BMPER: variants seen among roughly 807,000 people sequenced by gnomAD.
The protein encoded by BMPER is BMP binding endothelial regulator.
BMPER carries 45 observed loss-of-function variants against 87.3 expected under a neutral mutation model. The ratio of observed to expected loss-of-function variants is 0.52; its 90% CI spans 0.41 to 0.66. BMPER has a LOEUF of 0.66. Ranked by LOEUF, BMPER falls within the 30% of genes least tolerant of loss-of-function variation. The probability of loss-of-function intolerance (pLI) is 0.00; values close to 1 mark genes in which losing one functional copy is unlikely to be tolerated. For synonymous variants in BMPER, 326 were observed against 316.2 expected (o/e 1.03, Z -0.33); for missense variants, 784 against 867.5 (o/e 0.90, Z 1.21).
intron 13 of BMPER, among the ~76,000 whole-genome samples, chr7:34,119,119 G>T (rs1040831062): frequency 6.6e-6 from 1 of 151,916 alleles, no homozygotes; most frequent in Non-Finnish European, 1.5e-5. Flanking sequence ...GAATAATGCA[G>T]TAAGTTCAGG....
In BMPER at chr7:33,923,553, A is replaced by G. The variant is rs548152397; in HGVS notation, c.220-13736A>G. Among the ~76,000 whole-genome samples, 54 of 152,348 alleles carry G rather than the reference A, an allele frequency of 3.5e-4. 1 individual carries two copies. In the South Asian group the frequency reaches 0.011, roughly 32 times the overall value. Reference sequence around the variant, plus strand: ...AGGAGTGGCCAGCAGTAGTCTAGGCAGCCTCTCCTGTGAGCCTCAAATAGT... The same window carrying G: ...AGGAGTGGCCAGCAGTAGTCTAGGCGGCCTCTCCTGTGAGCCTCAAATAGT... On this transcript the variant is annotated intron_variant, in intron 2 of 14. Coordinates refer to ENST00000649409, the MANE Select transcript of BMPER (RefSeq NM_001365308.1).
At chr7:33,918,376 C>T (rs73693049) in intron 2 of BMPER, among the ~76,000 whole-genome samples, 3,152 of 152,292 alleles carry the variant, frequency 0.021, 111 homozygotes, top group African/African-American at 0.072. Context: ...CCCCTTTGCT[C>T]AGAGGGCAGA....
At chr7:34,002,711 T>G (rs993010282) in intron 6 of BMPER, among the ~76,000 whole-genome samples, 1 of 151,868 alleles carries the variant, frequency 6.6e-6, no homozygotes, top group Admixed American at 6.6e-5. Context: ...AGTGCATATA[T>G]GTTTATAATT....
intron 13 of BMPER, among the ~76,000 whole-genome samples, chr7:34,094,975 G>A (rs1040390574): frequency 5.3e-5 from 8 of 152,134 alleles, no homozygotes; most frequent in South Asian, 2.1e-4. Context: ...GACTCGTTCG[G>A]AATAACTTCT....
intron 3 of BMPER, among the ~76,000 whole-genome samples, chr7:33,951,079 T>C (rs1785008602): frequency 6.6e-6 from 1 of 151,256 alleles, no homozygotes; most frequent in Non-Finnish European, 1.5e-5. Context: ...ATGGATTCTC[T>C]CTCTGGTGCC....
chr7:34,052,382 G>A (rs780909339), intron 8 of BMPER, among the ~76,000 whole-genome samples: 1 of 152,182 alleles, frequency 6.6e-6, no homozygotes, highest in Non-Finnish European at 1.5e-5. Flanking sequence ...GATAAACCTG[G>A]CAGTTTAGGA....
chr7:34,046,211 A>G (rs1787960107), intron 6 of BMPER, 95 bp from the exon 7 acceptor site: 4 of 1,180,692 alleles, frequency 3.4e-6, no homozygotes, highest in Non-Finnish European at 2.5e-6. Context: ...ACCTAATACT[A>G]TGGAAGGGCC....
At chr7:33,905,438 T>TCCCCCCCCCCCC, upstream of BMPER, 1 of 23,006 alleles carries the variant, frequency 4.3e-5, no homozygotes, top group Non-Finnish European at 8.2e-5. Flanking sequence ...CCTTGGTCTC[T>TCCCCCCCCCCCC]CCCCCCGCCC....
Position 34,002,996 on chromosome 7 carries a change from G to A in BMPER, c.576+28212G>A, listed in dbSNP as rs1401150209. ...TCTCTGCTTTTTGATTGGAATATTT[G>A]GCCCATTTCCATTTAATGTAATTTT... is the stretch of plus-strand genomic sequence containing the variant. On this transcript the variant is annotated intron_variant, in intron 6 of 14. Coordinates refer to ENST00000649409, the MANE Select transcript of BMPER (RefSeq NM_001365308.1). Among the ~76,000 whole-genome samples the A allele has an allele frequency of 2.0e-5, 3 of 151,426 alleles. No individual in the cohort carries two copies. In the East Asian group the frequency reaches 5.8e-4, roughly 29 times the overall value.
At chr7:33,992,085 T>C (rs1005297713) in intron 6 of BMPER, among the ~76,000 whole-genome samples, 1 of 152,246 alleles carries the variant, frequency 6.6e-6, no homozygotes, top group Middle Eastern at 3.4e-3. Flanking sequence ...GAAAATAAAG[T>C]ATATTCTGTT....
In BMPER at chr7:34,119,018, A is replaced by T. The variant is rs879709801; in HGVS notation, c.1746-24212A>T. Among the ~76,000 whole-genome samples the T allele has an allele frequency of 2.1e-3, 312 of 148,248 alleles. 2 individuals carry two copies. The highest frequency in any genetic ancestry group is 7.4e-3 in the African/African-American group (291 of 39,080). ...CACTGTCTCTCTCTCTCTCTCTCACACACACACACACACACACACGCACTC... is the reference window on the plus strand; with the variant it reads ...CACTGTCTCTCTCTCTCTCTCTCACTCACACACACACACACACACGCACTC... On this transcript the variant is annotated intron_variant, in intron 13 of 14. Coordinates refer to ENST00000649409, the MANE Select transcript of BMPER (RefSeq NM_001365308.1).
chr7:34,021,836 ATCC>A, intron 6 of BMPER, among the ~76,000 whole-genome samples: 1 of 151,974 alleles, frequency 6.6e-6, no homozygotes, highest in African/African-American at 2.4e-5. Flanking sequence ...CCATCCCTCC[ATCC>A]ATTGAATATT....
At chr7:34,141,000 C>T (rs560706309) in intron 13 of BMPER, among the ~76,000 whole-genome samples, 2 of 152,260 alleles carry the variant, frequency 1.3e-5, no homozygotes, top group African/African-American at 4.8e-5. Context: ...ACAAATTCTA[C>T]TGGGAAAGTG....
At chr7:33,940,702 C>T (rs566602110) in intron 3 of BMPER, among the ~76,000 whole-genome samples, 2 of 151,790 alleles carry the variant, frequency 1.3e-5, no homozygotes, top group Non-Finnish European at 2.9e-5. Flanking sequence ...AAGCTTTTGA[C>T]TGTTCTTGCT....
chr7:34,087,092 A>G (rs1789234848), intron 13 of BMPER, among the ~76,000 whole-genome samples: 1 of 152,212 alleles, frequency 6.6e-6, no homozygotes, highest in East Asian at 1.9e-4. Context: ...GACATAAAAG[A>G]TAAAGTTCTA....
chr7:34,076,435 G>T (rs1236464941), intron 11 of BMPER, among the ~76,000 whole-genome samples: 1 of 152,080 alleles, frequency 6.6e-6, no homozygotes, highest in Non-Finnish European at 1.5e-5. Context: ...CGGGGGTTGT[G>T]CATATTAATT....
intron 2 of BMPER, among the ~76,000 whole-genome samples, chr7:33,937,023 C>T (rs1784618695): frequency 6.6e-6 from 1 of 152,146 alleles, no homozygotes; most frequent in Non-Finnish European, 1.5e-5. Flanking sequence ...GAACTTCTCC[C>T]TTGGCAATCG....
chr7:34,103,024 A>G (rs185095297), intron 13 of BMPER, among the ~76,000 whole-genome samples: 1 of 152,242 alleles, frequency 6.6e-6, no homozygotes, highest in African/African-American at 2.4e-5. Context: ...GCAGAGTACA[A>G]AGCACTTGGA....
At chr7:33,941,072 TTTATA>T (rs994135094) in intron 3 of BMPER, among the ~76,000 whole-genome samples, 1 of 135,474 alleles carries the variant, frequency 7.4e-6, no homozygotes, top group African/African-American at 2.8e-5. Flanking sequence ...TTACATATAA[TTTATA>T]TATTTATATA....
Sources: gnomAD v4.1 joint callset for allele counts (sites outside exome capture counted in the v4.1 genomes callset) on GRCh38, gnomAD v4.1.1 for gene constraint, MANE v1.5 for transcripts, NCBI Gene and HGNC (gene_info 2026-07-23, HGNC 2026-07-21) for gene names.